The following ITGB2 variants were observed in gnomAD, a reference collection of about 807,000 sequenced individuals.
The protein encoded by ITGB2 is integrin subunit beta 2.
ITGB2 carries 56 observed loss-of-function variants against 86.8 expected under a neutral mutation model. That is an observed-to-expected ratio of 0.65 (90% confidence interval 0.52 to 0.81). The LOEUF is 0.81. Ranked by LOEUF, ITGB2 falls within the 30% of genes least tolerant of loss-of-function variation. The pLI, the probability that ITGB2 is intolerant of heterozygous loss-of-function variation, is 0.00. For missense variants in ITGB2, 948 were observed against 1,061.2 expected, an observed-to-expected ratio of 0.89 and a Z score of 1.48; for synonymous variants, 457 against 450.4, an observed-to-expected ratio of 1.01 and a Z score of -0.19.
At chr21:44,886,628 G>A in intron 15 of ITGB2, 108 bp downstream of exon 15, 2 of 1,530,556 alleles carry the variant, frequency 1.3e-6, no homozygotes, top group East Asian at 2.3e-5. Flanking sequence ...GCCTGGGGAG[G>A]CCGGGGTGCA....
At chr21:44,922,025 C>T (rs1168877579), upstream of ITGB2, among the ~76,000 whole-genome samples, 1 of 152,188 alleles carries the variant, frequency 6.6e-6, no homozygotes, top group African/African-American at 2.4e-5. Flanking sequence ...CTCCCGGCTC[C>T]TAAACTCTGT....
chr21:44,920,800 G>A (rs186198036), intron 1 of ITGB2, 21 bp downstream of exon 1: 4 of 152,622 alleles, frequency 2.6e-5, no homozygotes, highest in African/African-American at 7.2e-5. Flanking sequence ...CGTGGACATA[G>A]CGGGGCCTCT....
chr21:44,919,460 GGGATTCTGCAGTGAGCTGGGCAT>G (rs1189668674), intron 1 of ITGB2, among the ~76,000 whole-genome samples: 3 of 152,214 alleles, frequency 2.0e-5, no homozygotes, highest in African/African-American at 4.8e-5. Context: ...CTGGCCCCCG[GGGATTCTGCAGTGAGCTGGGCAT>G]GGATTCTGCA....
In ITGB2 at chr21:44,910,577, C is replaced by G. The variant is rs779189298; in HGVS notation, c.58+148G>C. 3.6e-6 allele frequency: 5 copies of G among 1,378,144 alleles called. No homozygotes were observed. In the African/African-American group the frequency reaches 7.1e-5, roughly 20 times the overall value. 85.4% of individuals were successfully genotyped at this position (1,378,144 alleles called of 1,614,324 possible). On this transcript the variant is annotated intron_variant, in intron 2 of 15. Coordinates refer to ENST00000652462, the MANE Select transcript of ITGB2 (RefSeq NM_000211.5). ...TACAGCCTCCTGGCACGTGCGGAGA[C>G]GAGGCCTGAGTCCCCGACCTACCCC...
intron 10 of ITGB2, chr21:44,892,866 T>C (rs1407157145): frequency 5.9e-6 from 1 of 168,742 alleles, no homozygotes; most frequent in African/African-American, 2.4e-5. Context: ...TTAATGTTTC[T>C]GTCAAAAAAA....
At chr21:44,916,496 A>G (rs2084212054) in intron 1 of ITGB2, among the ~76,000 whole-genome samples, 1 of 152,226 alleles carries the variant, frequency 6.6e-6, no homozygotes, top group Admixed American at 6.5e-5. Context: ...ACAAATGTGT[A>G]GGACTTCAGT....
At chr21:44,909,922 G>A (rs182453958) in intron 3 of ITGB2, among the ~76,000 whole-genome samples, 16 of 152,350 alleles carry the variant, frequency 1.1e-4, no homozygotes, top group Middle Eastern at 3.4e-3. Flanking sequence ...GCAGGAAAGC[G>A]TGCTGGCGAT....
At chr21:44,897,954 G>T (rs2083893248) in intron 8 of ITGB2, among the ~76,000 whole-genome samples, 1 of 152,172 alleles carries the variant, frequency 6.6e-6, no homozygotes, top group Non-Finnish European at 1.5e-5. Context: ...CACCCAGCAG[G>T]CCTGGCTGGC....
At chr21:44,918,758 G>C (rs1181435833) in intron 1 of ITGB2, among the ~76,000 whole-genome samples, 2 of 152,218 alleles carry the variant, frequency 1.3e-5, no homozygotes, top group Admixed American at 6.5e-5. Context: ...CTGAGGGGCA[G>C]GGGTTACCAC....
chr21:44,898,682 T>C (rs1258160522), intron 8 of ITGB2, among the ~76,000 whole-genome samples: 1 of 152,274 alleles, frequency 6.6e-6, no homozygotes, highest in Non-Finnish European at 1.5e-5. Context: ...ACTCCAAGCT[T>C]GTGAACGTTT....
At chr21:44,910,602 C>G (rs763023598) in intron 2 of ITGB2, 123 bp downstream of exon 2, 7 of 1,381,142 alleles carry the variant, frequency 5.1e-6, no homozygotes, top group Admixed American at 2.0e-5. Context: ...CGACCTACCC[C>G]CAGTGGCAAG....
intron 8 of ITGB2, among the ~76,000 whole-genome samples, chr21:44,897,114 C>A (rs1023260511): frequency 2.6e-5 from 4 of 152,316 alleles, no homozygotes; most frequent in Non-Finnish European, 4.4e-5. Flanking sequence ...AGACACCTGC[C>A]CCCATCCCGT....
In ITGB2 at chr21:44,912,520, C is replaced by T. The variant is rs1278025554; in HGVS notation, c.-3-1735G>A. 2.6e-5 allele frequency among the ~76,000 whole-genome samples: 4 copies of T among 152,288 alleles called. 1 individual carries two copies. The highest frequency in any genetic ancestry group is 4.1e-4 in the South Asian group (2 of 4,826). The stretch of plus-strand genomic sequence containing the variant: ...AATACAAAAATGTCAAAAGGGAACC[C>T]TTGATCCTTCCCGTCCTGGGGTCAA... On this transcript the variant is annotated intron_variant, in intron 1 of 15. Coordinates refer to ENST00000652462, the MANE Select transcript of ITGB2 (RefSeq NM_000211.5).
intron 1 of ITGB2, among the ~76,000 whole-genome samples, chr21:44,914,531 A>G (rs1363388861): frequency 6.6e-6 from 1 of 152,220 alleles, no homozygotes; most frequent in African/African-American, 2.4e-5. Context: ...TCAGGCTCTG[A>G]GACACGAAAG....
At chr21:44,905,218 G>T (rs901862582) in intron 4 of ITGB2, among the ~76,000 whole-genome samples, 1 of 152,082 alleles carries the variant, frequency 6.6e-6, no homozygotes, top group Non-Finnish European at 1.5e-5. Context: ...CCCGCGAGAG[G>T]ACAGTCCCTT....
At chr21:44,891,693 C>A in intron 11 of ITGB2, 116 bp downstream of exon 11, 1 of 1,211,568 alleles carries the variant, frequency 8.3e-7, no homozygotes, top group Admixed American at 2.0e-5. Flanking sequence ...CCCCAGGATG[C>A]CTGCTCCGTG....
intron 3 of ITGB2, among the ~76,000 whole-genome samples, 190 bp from the exon 4 acceptor site, chr21:44,907,285 C>A (rs552043560): frequency 6.6e-6 from 1 of 152,178 alleles, no homozygotes. Context: ...TGAAGGCTCC[C>A]GGCCACAGCA....
At chr21:44,889,077 G>T in intron 13 of ITGB2, 182 bp from the exon 14 acceptor site, 1 of 701,092 alleles carries the variant, frequency 1.4e-6, no homozygotes, top group African/African-American at 1.8e-5. Flanking sequence ...CTGATCCCAG[G>T]GCCCGCGGCA....
chr21:44,908,237 A>G, intron 3 of ITGB2: 1 of 644,336 alleles, frequency 1.6e-6, no homozygotes, highest in African/African-American at 1.8e-5. Context: ...GGAATGAGAC[A>G]CCACTTCTCC....
Sources: allele counts gnomAD v4.1 joint callset (sites outside exome capture counted in the v4.1 genomes callset), GRCh38; gene constraint gnomAD v4.1.1; transcripts MANE v1.5; gene names NCBI Gene and HGNC (gene_info 2026-07-23, HGNC 2026-07-21).